UBOX5: variants seen among roughly 807,000 people sequenced by gnomAD.
UBOX5 encodes RING finger protein 37.
Under a neutral mutation model 39.0 loss-of-function variants are expected in UBOX5, and 28 were observed. The ratio of observed to expected loss-of-function variants is 0.72; its 90% CI spans 0.53 to 0.98. UBOX5 has a LOEUF of 0.98. Among genes scored for constraint, UBOX5 ranks in the 50% least tolerant of loss-of-function variants. The pLI is 0.00. For missense variants in UBOX5, 585 were observed against 674.4 expected, an observed-to-expected ratio of 0.87 and a Z score of 1.47; for synonymous variants, 283 against 275.5, an observed-to-expected ratio of 1.03 and a Z score of -0.27.
chr20:3,113,354 G>A (rs2066269427), intron 4 of UBOX5, among the ~76,000 whole-genome samples: 1 of 151,822 alleles, frequency 6.6e-6, no homozygotes, highest in Non-Finnish European at 1.5e-5. Context: ...AGACTGCAGA[G>A]GAGGAGACAT....
chr20:3,138,297 T>C (rs992938367), intron 1 of UBOX5, among the ~76,000 whole-genome samples: 11 of 151,672 alleles, frequency 7.3e-5, no homozygotes, highest in African/African-American at 2.4e-4. Context: ...AAAAGTATTA[T>C]GAAAGTATTA....
intron 1 of UBOX5, chr20:3,146,906 C>T: frequency 6.2e-7 from 1 of 1,614,202 alleles, no homozygotes; most frequent in East Asian, 2.2e-5. Context: ...CAGCTGCCGC[C>T]TCTTCATATT....
chr20:3,134,173 G>A (rs1300482570), intron 1 of UBOX5, among the ~76,000 whole-genome samples: 1 of 151,988 alleles, frequency 6.6e-6, no homozygotes, highest in East Asian at 1.9e-4. Flanking sequence ...AATATATTAT[G>A]TGTATCATCT....
At chr20:3,116,790 A>G (rs1468759395) in intron 3 of UBOX5, 1 of 152,240 alleles carries the variant, frequency 6.6e-6, no homozygotes, top group African/African-American at 2.4e-5. Flanking sequence ...AATAATTTCC[A>G]TAAGGAAAAA....
chr20:3,124,427 C>A (rs955989397), intron 1 of UBOX5, among the ~76,000 whole-genome samples: 1 of 152,186 alleles, frequency 6.6e-6, no homozygotes, highest in Non-Finnish European at 1.5e-5. Context: ...ACTCAATGCT[C>A]AATGTTGCCC....
Position 3,121,840 on chromosome 20 carries a change from T to A in UBOX5, c.799A>T (p.Ile267Phe). 1 of 1,614,048 alleles carries A rather than the reference T, an allele frequency of 6.2e-7. No homozygotes were observed. The highest frequency in any genetic ancestry group is 8.5e-7 in the Non-Finnish European group (1 of 1,180,024). Residue 267 changes from isoleucine to phenylalanine, a missense_variant, in exon 3 of 5, where the codon ATC becomes TTC. Ile to Phe is a conservative substitution (Grantham distance 21, BLOSUM62 0). Transcript: ENST00000217173. ...GGACAAGGCATGATCTCCAGGGTGA[T>A]GGGATCCAGGAACTCCTCAGGCACA... ...QDVPEEFLDPITLEIMPCPML... is the reference protein window; with the variant it reads ...QDVPEEFLDPFTLEIMPCPML...
chr20:3,110,841 G>GA (rs533897560), intron 4 of UBOX5: 9,765 of 101,006 alleles, frequency 0.097, 357 homozygotes, highest in Non-Finnish European at 0.14. Context: ...CTACAAAAAA[G>GA]AAAAAAAAAA....
intron 1 of UBOX5, among the ~76,000 whole-genome samples, chr20:3,146,045 CAA>C (rs58783186): frequency 8.8e-5 from 9 of 102,312 alleles, no homozygotes; most frequent in Admixed American, 2.2e-4. Flanking sequence ...GACTCCGTCT[CAA>C]AAAAAAAAAA....
At chr20:3,112,977 A>T (rs2066264888) in intron 4 of UBOX5, among the ~76,000 whole-genome samples, 1 of 150,720 alleles carries the variant, frequency 6.6e-6, no homozygotes, top group East Asian at 2.0e-4. Flanking sequence ...AAAAGAAAAG[A>T]AAAAGACACA....
At chr20:3,128,223 C>T (rs981173379) in intron 1 of UBOX5, among the ~76,000 whole-genome samples, 1 of 152,238 alleles carries the variant, frequency 6.6e-6, no homozygotes, top group African/African-American at 2.4e-5. Flanking sequence ...TCATTTAGAG[C>T]AGCATTTCCC....
At chr20:3,144,469 A>G (rs1427685736) in intron 1 of UBOX5, among the ~76,000 whole-genome samples, 1 of 152,220 alleles carries the variant, frequency 6.6e-6, no homozygotes, top group East Asian at 1.9e-4. Flanking sequence ...CTCATGCTAC[A>G]TATAAAAATT....
chr20:3,117,238 ATTCT>A (rs1047608080), intron 3 of UBOX5, among the ~76,000 whole-genome samples: 3 of 151,982 alleles, frequency 2.0e-5, no homozygotes, highest in South Asian at 2.1e-4. Flanking sequence ...AAAATTCTAA[ATTCT>A]TTCTATGGAA....
At position 3,115,540 on chromosome 20, in the gene UBOX5, G is replaced by A. The variant is rs949269828; in HGVS notation, c.1256-74C>T. The A allele has an allele frequency of 5.4e-6, 8 of 1,481,344 alleles. No individual in the cohort carries two copies. In the South Asian group the frequency reaches 8.3e-5, roughly 15 times the overall value. 91.8% of individuals were successfully genotyped at this position (1,481,344 alleles called of 1,614,324 possible). A position where few individuals can be genotyped will look rare whatever the true frequency, so the allele number is the denominator to read the frequency against. ...AGAGAACAGCCTCAAGTCCTTCGAG[G>A]GCTGTAAAAACGGCACCTCCAATCT... On this transcript the variant is annotated intron_variant, in intron 3 of 4. Coordinates refer to ENST00000217173, the MANE Select transcript of UBOX5 (RefSeq NM_014948.4).
chr20:3,147,833 G>A (rs557679237), intron 1 of UBOX5: 4 of 1,614,220 alleles, frequency 2.5e-6, no homozygotes, highest in African/African-American at 1.3e-5. Context: ...CGCAGCCACT[G>A]CATTCATTAC....
At chr20:3,125,280 G>A (rs1312534822) in intron 1 of UBOX5, among the ~76,000 whole-genome samples, 4 of 147,892 alleles carry the variant, frequency 2.7e-5, no homozygotes, top group Non-Finnish European at 4.5e-5. Context: ...TCTGGGAGGT[G>A]AGGAGCGCCT....
Position 3,110,142 on chromosome 20 carries a change from C to T in UBOX5, c.1590G>A (p.Pro530=), listed in dbSNP as rs746756947. 8.7e-6 allele frequency: 14 copies of T among 1,612,758 alleles called. No homozygotes were observed. Among genetic ancestry groups the T allele is most frequent in the African/African-American group, 1.3e-5 (1 of 74,884 alleles). Residue 530 remains proline, a synonymous_variant, in exon 5 of 5, where the codon CCG becomes CCA. Coordinates refer to ENST00000217173, the MANE Select transcript of UBOX5 (RefSeq NM_014948.4). The stretch of plus-strand genomic sequence containing the variant: ...CCCGCAGCACGTCTTGGCTAGCAAC[C>T]GGCCGCTGGCAGGCTGTGCACGTCA... ...LPMTCTACQR[P]VASQDVLRVH...
intron 2 of UBOX5, 115 bp from the exon 3 acceptor site, chr20:3,122,699 A>G (rs2148595582): frequency 7.3e-7 from 1 of 1,368,196 alleles, no homozygotes. Context: ...ATTAAACTGA[A>G]TTGTCCCAGA....
intron 1 of UBOX5, among the ~76,000 whole-genome samples, chr20:3,128,239 T>G (rs2066404766): frequency 6.6e-6 from 1 of 152,248 alleles, no homozygotes; most frequent in South Asian, 2.1e-4. Context: ...TTCCCCCAGC[T>G]TCCCTGCCCA....
intron 4 of UBOX5, among the ~76,000 whole-genome samples, chr20:3,113,686 G>A (rs754106656): frequency 1.2e-4 from 18 of 152,212 alleles, no homozygotes; most frequent in Non-Finnish European, 2.6e-4. Context: ...TCAGGATGGG[G>A]ACACTGAAGG....
Sources: gnomAD v4.1 joint callset for allele counts (sites outside exome capture counted in the v4.1 genomes callset) on GRCh38, gnomAD v4.1.1 for gene constraint, MANE v1.5 for transcripts, NCBI Gene and HGNC (gene_info 2026-07-23, HGNC 2026-07-21) for gene names.